Variants in HMGB1 observed in about 807,000 individuals in gnomAD.
The protein encoded by HMGB1 is high mobility group protein B1.
For missense variants in HMGB1, 79 were observed against 253.5 expected (o/e 0.31, Z 4.67); for synonymous variants, 81 against 84.0 (o/e 0.96, Z 0.19).
intron 1 of HMGB1, among the ~76,000 whole-genome samples, chr13:30,615,701 C>T (rs907315640): frequency 2.0e-5 from 3 of 151,952 alleles, no homozygotes; most frequent in African/African-American, 7.3e-5. Flanking sequence ...TAGCAAGTAG[C>T]TTTTATATCC....
At chr13:30,485,474 G>A (rs147945035) in intron 1 of HMGB1, among the ~76,000 whole-genome samples, 150 of 151,636 alleles carry the variant, frequency 9.9e-4, no homozygotes, top group African/African-American at 3.5e-3. Flanking sequence ...ACCAAACTGT[G>A]TGGTGTCACC....
chr13:30,554,288 C>T (rs138687698), intron 1 of HMGB1: 20 of 1,223,530 alleles, frequency 1.6e-5, no homozygotes, highest in Non-Finnish European at 2.4e-5. Flanking sequence ...CTCCTTGAAC[C>T]CTGACCATGG....
intron 1 of HMGB1, among the ~76,000 whole-genome samples, chr13:30,494,959 C>G (rs1446081128): frequency 2.0e-5 from 3 of 152,202 alleles, no homozygotes; most frequent in Non-Finnish European, 4.4e-5. Context: ...TTTTACTTAA[C>G]ACAATGTCCT....
chr13:30,464,150 A>G (rs1886549915), intron 1 of HMGB1: 3 of 985,290 alleles, frequency 3.0e-6, no homozygotes, highest in Admixed American at 6.2e-5. Flanking sequence ...ACCTTAAAAA[A>G]AAAAAATCAC....
intron 1 of HMGB1, among the ~76,000 whole-genome samples, chr13:30,605,600 G>A (rs2137568915): frequency 6.6e-6 from 1 of 152,334 alleles, no homozygotes; most frequent in East Asian, 1.9e-4. Context: ...AGTTTTGGTG[G>A]GAAGACAGGA....
At chr13:30,478,288 C>G (rs1412559210) in intron 1 of HMGB1, among the ~76,000 whole-genome samples, 2 of 152,090 alleles carry the variant, frequency 1.3e-5, no homozygotes, top group African/African-American at 4.8e-5. Flanking sequence ...AGTGAGCTGT[C>G]ATTGTACCTG....
chr13:30,511,440 C>T (rs531289798), intron 1 of HMGB1, among the ~76,000 whole-genome samples: 10 of 152,266 alleles, frequency 6.6e-5, no homozygotes, highest in African/African-American at 2.4e-4. Flanking sequence ...TGTGACGTGC[C>T]TGCTCCCCCT....
intron 1 of HMGB1, among the ~76,000 whole-genome samples, chr13:30,475,525 T>TA (rs148513243): frequency 0.16 from 20,491 of 131,460 alleles, 1,529 homozygotes; most frequent in South Asian, 0.27. Flanking sequence ...AGACCATCTC[T>TA]AAAAAAAAAA....
At chr13:30,538,258 T>C (rs1868545046) in intron 1 of HMGB1, among the ~76,000 whole-genome samples, 1 of 152,222 alleles carries the variant, frequency 6.6e-6, no homozygotes, top group Admixed American at 6.5e-5. Flanking sequence ...GAATACAAAG[T>C]AATTTTTATT....
At chr13:30,597,074 T>C (rs775892682) in intron 1 of HMGB1, among the ~76,000 whole-genome samples, 5 of 152,214 alleles carry the variant, frequency 3.3e-5, no homozygotes, top group Non-Finnish European at 7.3e-5. Flanking sequence ...GCTTAGAAGA[T>C]ATTATGGGTT....
chr13:30,586,344 T>C (rs567882876), intron 1 of HMGB1, among the ~76,000 whole-genome samples: 23 of 152,298 alleles, frequency 1.5e-4, no homozygotes, highest in African/African-American at 5.5e-4. Context: ...TTATCTGACC[T>C]CTAAATGTTA....
chr13:30,479,107 A>G (rs1887168857), intron 1 of HMGB1, among the ~76,000 whole-genome samples: 1 of 152,140 alleles, frequency 6.6e-6, no homozygotes, highest in African/African-American at 2.4e-5. Context: ...CCCTATGGGG[A>G]AATATTCCCT....
chr13:30,542,850 CAG>C (rs1272534394), intron 1 of HMGB1: 2 of 155,198 alleles, frequency 1.3e-5, no homozygotes, highest in African/African-American at 4.8e-5. Flanking sequence ...GGCCCCAGTG[CAG>C]AGTCAATGAG....
rs1033967333 is a variant in HMGB1, at chr13:30,461,610, T to C, written c.472-77A>G. The C allele has an allele frequency of 7.6e-6, 12 of 1,575,604 alleles. No individual in the cohort carries two copies. The African/African-American group carries it at 1.2e-4, about 16-fold the overall frequency. ...AAAGAAATAGAACATGGCAGAACTT[T>C]ATGAAAGAAATCAAGATTCTAGTTA... is the stretch of plus-strand genomic sequence containing the variant. On this transcript the variant is annotated intron_variant, in intron 4 of 4. Coordinates refer to ENST00000341423, the MANE Select transcript of HMGB1 (RefSeq NM_002128.7).
chr13:30,569,847 A>G (rs1019276101), intron 1 of HMGB1, among the ~76,000 whole-genome samples: 1 of 152,200 alleles, frequency 6.6e-6, no homozygotes, highest in African/African-American at 2.4e-5. Context: ...AAATGTAAAT[A>G]CTTTATAACC....
intron 1 of HMGB1, among the ~76,000 whole-genome samples, chr13:30,524,345 A>G (rs1266282493): frequency 8.8e-5 from 3 of 34,130 alleles, no homozygotes; most frequent in East Asian, 1.4e-3. Flanking sequence ...ATTAAAAAAA[A>G]AAAAAAAAAA....
intron 1 of HMGB1, among the ~76,000 whole-genome samples, chr13:30,522,856 C>CA (rs1888271614): frequency 6.6e-6 from 1 of 152,068 alleles, no homozygotes; most frequent in African/African-American, 2.4e-5. Flanking sequence ...GCTGGGACTA[C>CA]AAGCATGCAC....
chr13:30,484,768 AGGAGAG>A (rs1345591874), intron 1 of HMGB1, among the ~76,000 whole-genome samples: 1 of 45,436 alleles, frequency 2.2e-5, no homozygotes, highest in East Asian at 8.0e-4. Flanking sequence ...AAGAGGAAAG[AGGAGAG>A]GAGAGGAGAG....
rs372814279 is a variant in HMGB1, at chr13:30,463,423, G to A, written c.151-71C>T. The A allele has an allele frequency of 6.0e-5, 92 of 1,530,874 alleles. 2 individuals are homozygous for A. The East Asian group carries it at 1.4e-3, about 23-fold the overall frequency. 94.8% of individuals were successfully genotyped at this position (1,530,874 alleles called of 1,614,324 possible). On this transcript the variant is annotated intron_variant, in intron 2 of 4. Transcript: ENST00000341423. ...ATTATCCTCAAAACCAATGTCTTTT[G>A]CTATGTAATAGCGTCCCACTACGAG... is the stretch of plus-strand genomic sequence containing the variant.
Sources: allele counts gnomAD v4.1 joint callset (sites outside exome capture counted in the v4.1 genomes callset), GRCh38; gene constraint gnomAD v4.1.1; transcripts MANE v1.5; gene names NCBI Gene and HGNC (gene_info 2026-07-23, HGNC 2026-07-21).